The following PHLDB2 variants were observed in gnomAD, a reference collection of about 807,000 sequenced individuals.
PHLDB2 encodes the protein pleckstrin homology-like domain family B member 2.
A neutral mutation model predicts 123.6 loss-of-function variants in PHLDB2; 71 were observed. That is an observed-to-expected ratio of 0.57 (90% CI 0.47 to 0.70). The LOEUF is 0.70. PHLDB2 is among the 30% of genes least tolerant of loss of function. The pLI is 0.00. For synonymous variants in PHLDB2, 547 were observed against 541.6 expected (o/e 1.01, Z -0.14); for missense variants, 1,446 against 1,519.5 (o/e 0.95, Z 0.80).
chr3:111,952,154 CT>C (rs1016362917), intron 10 of PHLDB2, among the ~76,000 whole-genome samples: 1 of 152,118 alleles, frequency 6.6e-6, no homozygotes, highest in African/African-American at 2.4e-5. Flanking sequence ...CGCTTTTTCT[CT>C]TTTTCTCCTT....
At chr3:111,840,537 T>TA (rs1253025023) in intron 1 of PHLDB2, among the ~76,000 whole-genome samples, 10 of 152,304 alleles carry the variant, frequency 6.6e-5, no homozygotes, top group African/African-American at 2.4e-4. Context: ...GTCATTTTCC[T>TA]CCATACCACT....
chr3:111,909,958 G>A (rs2067788053), intron 2 of PHLDB2, among the ~76,000 whole-genome samples: 1 of 152,134 alleles, frequency 6.6e-6, no homozygotes, highest in African/African-American at 2.4e-5. Flanking sequence ...TGCAGTATGT[G>A]TACCGTCCTG....
intron 2 of PHLDB2, among the ~76,000 whole-genome samples, chr3:111,907,544 T>TCCA (rs2067619710): frequency 6.6e-6 from 1 of 152,128 alleles, no homozygotes; most frequent in Admixed American, 6.6e-5. Flanking sequence ...TTGCCCAAGT[T>TCCA]GGAGTGTAGT....
At chr3:111,795,154 A>G (rs2061099955) in intron 1 of PHLDB2, among the ~76,000 whole-genome samples, 1 of 152,118 alleles carries the variant, frequency 6.6e-6, no homozygotes, top group South Asian at 2.1e-4. Context: ...AGGTATGTAA[A>G]TGAAAGAAGT....
At chr3:111,858,007 A>G (rs1194118967), upstream of PHLDB2, among the ~76,000 whole-genome samples, 2 of 152,236 alleles carry the variant, frequency 1.3e-5, no homozygotes, top group African/African-American at 4.8e-5. Context: ...ATACAAACGT[A>G]TGTTTATTGC....
At chr3:111,825,789 T>A (rs982562862) in intron 1 of PHLDB2, among the ~76,000 whole-genome samples, 1 of 152,174 alleles carries the variant, frequency 6.6e-6, no homozygotes, top group African/African-American at 2.4e-5. Context: ...AAGTGCTGCA[T>A]CTTTATGAAG....
At chr3:111,830,963 AAG>A (rs1379056289) in intron 1 of PHLDB2, among the ~76,000 whole-genome samples, 2 of 28,904 alleles carry the variant, frequency 6.9e-5, no homozygotes, top group African/African-American at 1.7e-4. Context: ...AAGAGAAAGA[AAG>A]AAAGAAAGAA....
chr3:111,777,369 T>C (rs924102288), intron 1 of PHLDB2, among the ~76,000 whole-genome samples: 1 of 152,170 alleles, frequency 6.6e-6, no homozygotes, highest in African/African-American at 2.4e-5. Flanking sequence ...TCTTTCTTTT[T>C]TTCTCATAAG....
chr3:111,903,653 A>T (rs2067327121), intron 2 of PHLDB2, among the ~76,000 whole-genome samples: 1 of 152,208 alleles, frequency 6.6e-6, no homozygotes, highest in African/African-American at 2.4e-5. Context: ...AGTCTACAAG[A>T]TAATTATCTA....
At chr3:111,797,614 A>C (rs1030958439) in intron 1 of PHLDB2, among the ~76,000 whole-genome samples, 2 of 152,170 alleles carry the variant, frequency 1.3e-5, no homozygotes, top group African/African-American at 4.8e-5. Flanking sequence ...CTCCTCCTAT[A>C]TGTGGAACTT....
At chr3:111,913,743 G>A (rs762664646) in intron 3 of PHLDB2, 41 bp downstream of exon 3, 1 of 1,530,586 alleles carries the variant, frequency 6.5e-7, no homozygotes, top group Non-Finnish European at 8.9e-7. Flanking sequence ...TTAAGGTCTA[G>A]GGCTGTGCAT....
chr3:111,884,198 A>G lies in PHLDB2; in HGVS notation c.121A>G (p.Lys41Glu), dbSNP rs1239760321. Reference sequence around the variant, plus strand: ...AAACATGATGGAGAGCCTCAGCCCAAAGAAATACTCTTCCAGTCTGAGATT... The same window carrying G: ...AAACATGATGGAGAGCCTCAGCCCAGAGAAATACTCTTCCAGTCTGAGATT... Reference protein sequence around the residue: ...SQNMMESLSPKKYSSSLRFKA... With the variant: ...SQNMMESLSPEKYSSSLRFKA... The change falls in exon 2 of 18, where the codon AAG (lysine) becomes GAG (glutamate). Residue 41 changes from lysine to glutamate, a missense_variant. Physicochemically the swap from Lys to Glu is moderately conservative, Grantham distance 56. This residue lies in a region of PHLDB2 where 832 missense variants were observed against 831.9 expected (regional missense o/e 1.00). Coordinates refer to ENST00000431670, the MANE Select transcript of PHLDB2 (RefSeq NM_001134438.2). The G allele has an allele frequency of 1.2e-6, 2 of 1,613,890 alleles. No homozygotes were observed. The highest frequency in any genetic ancestry group is 2.7e-5 in the African/African-American group (2 of 74,926).
At chr3:111,750,893 C>A (rs892558391) in intron 1 of PHLDB2, among the ~76,000 whole-genome samples, 1 of 150,612 alleles carries the variant, frequency 6.6e-6, no homozygotes, top group African/African-American at 2.4e-5. Flanking sequence ...TTGCAGTGAG[C>A]CAATATCGCA....
At chr3:111,953,888 A>G (rs779918749) in intron 11 of PHLDB2, 42 bp from the exon 12 acceptor site, 7 of 1,509,320 alleles carry the variant, frequency 4.6e-6, no homozygotes, top group Non-Finnish European at 6.4e-6. Context: ...AGGTCCATTC[A>G]GCCTGCAGCT....
At chr3:111,782,779 A>G (rs1323664117) in intron 1 of PHLDB2, among the ~76,000 whole-genome samples, 3 of 152,106 alleles carry the variant, frequency 2.0e-5, no homozygotes, top group African/African-American at 7.2e-5. Flanking sequence ...TTTTCTCATC[A>G]TTTTGAACAA....
At chr3:111,806,027 T>TA (rs2061571288) in intron 1 of PHLDB2, among the ~76,000 whole-genome samples, 2 of 129,106 alleles carry the variant, frequency 1.5e-5, no homozygotes, top group South Asian at 5.7e-4. Context: ...AATGGGTACA[T>TA]AAAAAAACAG....
chr3:111,935,413 G>A (rs1037135374), intron 6 of PHLDB2, among the ~76,000 whole-genome samples: 4 of 151,902 alleles, frequency 2.6e-5, no homozygotes, highest in Admixed American at 2.6e-4. Context: ...CAACTTCTAT[G>A]GGCTGCAATA....
At position 111,948,942 on chromosome 3, in the gene PHLDB2, G is replaced by A. The variant is rs935407679; in HGVS notation, c.2498G>A (p.Ser833Asn). 1.2e-6 allele frequency: 2 copies of A among 1,613,774 alleles called. No homozygotes were observed. Among genetic ancestry groups the A allele is most frequent in the Non-Finnish European group, 1.7e-6 (2 of 1,179,948 alleles). Residue 833 changes from serine (S) to asparagine (N), a missense_variant, in exon 10 of 18, where the codon AGT (serine) becomes AAT (asparagine). Around this residue, in one of 3 missense-constraint regions of PHLDB2, gnomAD observed 594 missense variants for 646.0 expected, o/e 0.92. Coordinates refer to ENST00000431670, the MANE Select transcript of PHLDB2 (RefSeq NM_001134438.2). ...NPNTLKEGYI[S>N]VNEINEPCGN... ...AATTCCTCCTTTTAGGGCTATATCA[G>A]TGTAAATGAGATTAATGAGCCGTGT... is the stretch of plus-strand genomic sequence containing the variant.
At chr3:111,754,716 C>T (rs1358682471) in intron 1 of PHLDB2, among the ~76,000 whole-genome samples, 2 of 147,520 alleles carry the variant, frequency 1.4e-5, no homozygotes, top group Non-Finnish European at 3.0e-5. Flanking sequence ...AGAGGGCATC[C>T]CTGTCTTGTG....
Sources: allele counts gnomAD v4.1 joint callset (sites outside exome capture counted in the v4.1 genomes callset), GRCh38; gene constraint gnomAD v4.1.1; regional missense constraint gnomAD v4.1.1; transcripts MANE v1.5; gene names NCBI Gene and HGNC (gene_info 2026-07-23, HGNC 2026-07-21).